The following TSC22D1 variants were observed in gnomAD, a reference collection of about 807,000 sequenced individuals.
TSC22D1 encodes TSC22 domain family member 1, also known as TSC22 domain family protein 1.
In TSC22D1, 9 loss-of-function variants were observed where a neutral mutation model predicts 74.2. The observed-to-expected ratio is 0.12, with a 90% CI of 0.07 to 0.21. The LOEUF (loss-of-function observed/expected upper bound fraction) is 0.21, where lower values mean the gene tolerates loss of function less well. TSC22D1 is among the 10% of genes least tolerant of loss of function. TSC22D1 has a pLI of 1.00. For synonymous variants in TSC22D1, 586 were observed against 492.5 expected (o/e 1.19, Z -2.51); for missense variants, 1,427 against 1,304.7 (o/e 1.09, Z -1.44).
At chr13:44,547,391 G>A (rs1881895250) in intron 1 of TSC22D1, among the ~76,000 whole-genome samples, 1 of 152,080 alleles carries the variant, frequency 6.6e-6, no homozygotes, top group African/African-American at 2.4e-5. Context: ...ATATGTGAGA[G>A]ATCAAAAGGG....
At chr13:44,560,283 G>T (rs1384829139) in intron 1 of TSC22D1, among the ~76,000 whole-genome samples, 1 of 151,510 alleles carries the variant, frequency 6.6e-6, no homozygotes, top group African/African-American at 2.4e-5. Context: ...AAATAAAAAG[G>T]TAATTAATAA....
intron 1 of TSC22D1, among the ~76,000 whole-genome samples, chr13:44,520,320 T>C (rs888039940): frequency 6.6e-6 from 1 of 152,188 alleles, no homozygotes; most frequent in Non-Finnish European, 1.5e-5. Context: ...AGAGAGAATG[T>C]AGTCTACTGT....
chr13:44,445,191 T>C (rs1875537234), intron 1 of TSC22D1, among the ~76,000 whole-genome samples: 1 of 149,318 alleles, frequency 6.7e-6, no homozygotes, highest in Non-Finnish European at 1.5e-5. Flanking sequence ...CATAGAGTAA[T>C]GGAACAAAAC....
At chr13:44,534,206 A>T (rs1291545366) in intron 1 of TSC22D1, among the ~76,000 whole-genome samples, 1 of 149,978 alleles carries the variant, frequency 6.7e-6, no homozygotes, top group East Asian at 2.0e-4. Context: ...AGCCTGAGCG[A>T]CAGAGTAAGA....
chr13:44,574,252 G>C lies in TSC22D1; in HGVS notation c.1823C>G (p.Ser608Cys), dbSNP rs1169119648. The change falls in exon 1 of 3, where the codon TCT (serine) becomes TGT (cysteine). Residue 608 changes from serine (S) to cysteine (C), a missense_variant. Transcript: ENST00000458659. ...AGTTTGCACTGGAGGAGCCGCCTGA[G>C]AATATGGTAGCTGGGGTTGAGCCAA... is the stretch of plus-strand genomic sequence containing the variant. ...SSLAQPQLPY[S>C]QAAPPVQTPL... The C allele has an allele frequency of 7.4e-6, 12 of 1,614,106 alleles. No individual in the cohort carries two copies. Among genetic ancestry groups the C allele is most frequent in the Non-Finnish European group, 9.3e-6 (11 of 1,180,046 alleles).
At chr13:44,512,660 T>G (rs563073774) in intron 1 of TSC22D1, among the ~76,000 whole-genome samples, 2 of 152,254 alleles carry the variant, frequency 1.3e-5, no homozygotes, top group South Asian at 2.1e-4. Flanking sequence ...AAGCAATCTT[T>G]TTTGTTTTGT....
chr13:44,529,400 GGAA>G (rs1411258349), intron 1 of TSC22D1, among the ~76,000 whole-genome samples: 1 of 151,892 alleles, frequency 6.6e-6, no homozygotes. Flanking sequence ...GGGCAAACTA[GGAA>G]GAGAGGGAAA....
chr13:44,570,284 G>A (rs1883669976), intron 1 of TSC22D1, among the ~76,000 whole-genome samples: 1 of 151,184 alleles, frequency 6.6e-6, no homozygotes, highest in African/African-American at 2.4e-5. Context: ...TTGACCTCCA[G>A]GGCTCAGGGG....
At chr13:44,501,562 C>T (rs1173229001) in intron 1 of TSC22D1, among the ~76,000 whole-genome samples, 2 of 152,012 alleles carry the variant, frequency 1.3e-5, no homozygotes, top group Admixed American at 6.6e-5. Context: ...GAGGCTAGGC[C>T]GGGTGGAGGG....
intron 1 of TSC22D1, among the ~76,000 whole-genome samples, chr13:44,476,959 A>T (rs1306941805): frequency 6.6e-6 from 1 of 151,918 alleles, no homozygotes; most frequent in East Asian, 1.9e-4. Flanking sequence ...ACGAGTTGCC[A>T]CACCTGGCCT....
intron 1 of TSC22D1, among the ~76,000 whole-genome samples, chr13:44,502,025 A>G (rs1035196967): frequency 1.3e-5 from 2 of 152,144 alleles, no homozygotes; most frequent in Non-Finnish European, 2.9e-5. Flanking sequence ...ATTTCCATTC[A>G]CCATCTCTTT....
chr13:44,574,067 C>G lies in TSC22D1; in HGVS notation c.2008G>C (p.Gly670Arg), dbSNP rs531498658. The G allele has an allele frequency of 1.2e-6, 2 of 1,614,164 alleles. No homozygotes were observed. The highest frequency in any genetic ancestry group is 1.7e-6 in the Non-Finnish European group (2 of 1,180,044). ...QPILQTAMSS[G>R]QPSSAGVGAG... is the part of the protein sequence containing the mutation. ...CCTACTCCTGCAGAACTGGGCTGTC[C>G]GGAGGACATTGCTGTTTGAAGAATT... Residue 670 changes from glycine to arginine, a missense_variant, in exon 1 of 3, where the codon GGA becomes CGA. This residue lies in a region of TSC22D1 where 1,343 missense variants were observed against 1,191.5 expected (regional missense o/e 1.13). Coordinates refer to ENST00000458659, the MANE Select transcript of TSC22D1 (RefSeq NM_183422.4).
At chr13:44,490,355 TAA>T (rs1343387120) in intron 1 of TSC22D1, among the ~76,000 whole-genome samples, 4 of 150,922 alleles carry the variant, frequency 2.7e-5, no homozygotes, top group African/African-American at 9.7e-5. Flanking sequence ...GAGAGAATGC[TAA>T]GTTTTTTTTT....
intron 1 of TSC22D1, among the ~76,000 whole-genome samples, chr13:44,465,982 A>ACAAG (rs1178816435): frequency 6.6e-6 from 1 of 151,748 alleles, no homozygotes; most frequent in African/African-American, 2.4e-5. Context: ...TCAAGAAAAA[A>ACAAG]CAAACAAACA....
chr13:44,482,359 AC>A (rs1878217124), intron 1 of TSC22D1, among the ~76,000 whole-genome samples: 1 of 151,810 alleles, frequency 6.6e-6, no homozygotes, highest in African/African-American at 2.4e-5. Flanking sequence ...ACATGGCAAA[AC>A]CCCATCTCTA....
chr13:44,574,452 C>A lies in TSC22D1; in HGVS notation c.1623G>T (p.Gln541His). The A allele has an allele frequency of 1.9e-6, 3 of 1,614,206 alleles. No homozygotes were observed. Among genetic ancestry groups the A allele is most frequent in the Non-Finnish European group, 2.5e-6 (3 of 1,180,046 alleles). Residue 541 changes from glutamine (Q) to histidine (H), a missense_variant, in exon 1 of 3, where the codon CAG becomes CAT. Physicochemically the swap from Gln to His is conservative, Grantham distance 24. Coordinates refer to ENST00000458659, the MANE Select transcript of TSC22D1 (RefSeq NM_183422.4). ...GTAATTGTACTTGTGAGATCTGTGA[C>A]TGAGAAATACTCTGTGGTATACTAA... ...PAVSIPQSIS[Q>H]SQISQVQLQS...
intron 1 of TSC22D1, chr13:44,537,520 CA>C (rs1412804428): frequency 2.0e-6 from 2 of 984,992 alleles, no homozygotes; most frequent in Non-Finnish European, 2.4e-6. Flanking sequence ...TACTGTGGTT[CA>C]AAGAGTTCAA....
rs116967126 is a variant in TSC22D1, at chr13:44,540,520, G to C, written c.2912+32643C>G. Among the ~76,000 whole-genome samples the C allele has an allele frequency of 4.4e-3, 665 of 152,264 alleles. 3 individuals are homozygous for C. Among genetic ancestry groups the C allele is most frequent in the Admixed American group, 6.9e-3 (106 of 15,284 alleles). ...AGCTTATGACTACTGTCACTGAAAA[G>C]ATTTATTCTTCAAGCACTCAGCTTT... On this transcript the variant is annotated intron_variant, in intron 1 of 2. Transcript: ENST00000458659.
At chr13:44,573,065 T>C (rs888437125) in intron 1 of TSC22D1, 98 bp downstream of exon 1, 4 of 1,461,092 alleles carry the variant, frequency 2.7e-6, no homozygotes, top group South Asian at 1.4e-5. Context: ...CAAAACACAA[T>C]ATACAATGTT....
Sources: gnomAD v4.1 joint callset for allele counts (sites outside exome capture counted in the v4.1 genomes callset) on GRCh38, gnomAD v4.1.1 for gene constraint, gnomAD v4.1.1 regional missense constraint, MANE v1.5 for transcripts, NCBI Gene and HGNC (gene_info 2026-07-23, HGNC 2026-07-21) for gene names.